Variants in TENM3 observed in about 807,000 individuals in gnomAD.
TENM3 encodes the protein teneurin-3.
A neutral mutation model predicts 255.1 loss-of-function variants in TENM3; 63 were observed. The ratio of observed to expected loss-of-function variants is 0.25; its 90% CI spans 0.20 to 0.30. The LOEUF is 0.30. Among genes scored for constraint, TENM3 ranks in the 10% least tolerant of loss-of-function variants. The pLI, the probability that TENM3 is intolerant of heterozygous loss-of-function variation, is 1.00. For missense variants in TENM3, 2,929 were observed against 3,461.1 expected (o/e 0.85, Z 3.86); for synonymous variants, 1,306 against 1,322.3 (o/e 0.99, Z 0.27).
the TENM3 span, among the ~76,000 whole-genome samples, chr4:182,052,979 C>T: frequency 6.6e-6 from 1 of 152,132 alleles, no homozygotes; most frequent in Non-Finnish European, 1.5e-5. Flanking sequence ...TATACATATA[C>T]ATTATATATA....
chr4:182,497,847 C>CATATATATATATATATATGTATATATAT (rs1735929208), intron 3 of TENM3, among the ~76,000 whole-genome samples: 1 of 135,640 alleles, frequency 7.4e-6, no homozygotes, highest in African/African-American at 3.3e-5. Context: ...ACTAAAAATA[C>CATATATATATATATATATGTATATATAT]ATATATATAT....
the TENM3 span, among the ~76,000 whole-genome samples, chr4:182,020,022 C>T: frequency 1.3e-5 from 2 of 152,036 alleles, no homozygotes; most frequent in Admixed American, 1.3e-4. Flanking sequence ...TGGGAGCCAA[C>T]AGACCGAACT....
intron 3 of TENM3, among the ~76,000 whole-genome samples, chr4:182,575,113 A>G (rs1744794302): frequency 6.6e-6 from 1 of 152,096 alleles, no homozygotes; most frequent in South Asian, 2.1e-4. Flanking sequence ...GAAGAAATAC[A>G]CACACACACA....
chr4:181,751,417 A>G, the TENM3 span, among the ~76,000 whole-genome samples: 1 of 52,768 alleles, frequency 1.9e-5, no homozygotes, highest in South Asian at 6.8e-4. Flanking sequence ...TTCCAAAGGA[A>G]AAAAAAAAAA....
intron 6 of TENM3, among the ~76,000 whole-genome samples, chr4:182,657,233 T>C (rs1753832246): frequency 6.6e-6 from 1 of 152,164 alleles, no homozygotes; most frequent in Non-Finnish European, 1.5e-5. Flanking sequence ...TCTCCTGACT[T>C]TCCAAATTCA....
intron 3 of TENM3, among the ~76,000 whole-genome samples, chr4:182,517,886 G>T (rs1360080253): frequency 6.6e-6 from 1 of 151,992 alleles, no homozygotes; most frequent in Non-Finnish European, 1.5e-5. Flanking sequence ...AACAAATTTA[G>T]AAGTATATAA....
chr4:182,281,818 C>T (rs1025648440), intron 1 of TENM3, among the ~76,000 whole-genome samples: 4 of 152,164 alleles, frequency 2.6e-5, no homozygotes, highest in Non-Finnish European at 5.9e-5. Context: ...TCACTGCTAC[C>T]TCCACCTCCT....
the TENM3 span, among the ~76,000 whole-genome samples, chr4:181,574,560 C>T: frequency 6.6e-6 from 1 of 151,964 alleles, no homozygotes; most frequent in African/African-American, 2.4e-5. Context: ...AAAATGTCTT[C>T]CAGTTTATCA....
intron 1 of TENM3, among the ~76,000 whole-genome samples, chr4:182,169,106 T>TACACACACACACACAC (rs1751929939): frequency 1.2e-5 from 1 of 86,244 alleles, no homozygotes; most frequent in African/African-American, 4.3e-5. Context: ...CACACACACG[T>TACACACACACACACAC]GGGTGTGAAT....
At chr4:182,374,935 A>G (rs912123554) in intron 3 of TENM3, among the ~76,000 whole-genome samples, 4 of 152,148 alleles carry the variant, frequency 2.6e-5, no homozygotes, top group African/African-American at 9.7e-5. Flanking sequence ...TCCTGTGAAG[A>G]CATTGTAATG....
chr4:182,463,137 C>G lies in TENM3; in HGVS notation c.511+116208C>G, dbSNP rs138323338. Among the ~76,000 whole-genome samples, 3 of 152,118 alleles carry G rather than the reference C, an allele frequency of 2.0e-5. No individual in the cohort carries two copies. In the East Asian group the frequency reaches 5.8e-4, roughly 29 times the overall value. On this transcript the variant is annotated intron_variant, in intron 3 of 27. Coordinates refer to ENST00000511685, the MANE Select transcript of TENM3 (RefSeq NM_001080477.4). ...CCAGCTGGTTCAAGCCTGTGTTGTT[C>G]AAGGGTCAACCGTAGTTGAAACAAA...
the TENM3 span, among the ~76,000 whole-genome samples, chr4:181,741,833 GT>G: frequency 1.3e-5 from 2 of 152,142 alleles, no homozygotes; most frequent in South Asian, 4.1e-4. Context: ...CCAGATCCAA[GT>G]TTTCCATTGC....
At chr4:181,797,755 G>T in the TENM3 span, among the ~76,000 whole-genome samples, 1 of 152,178 alleles carries the variant, frequency 6.6e-6, no homozygotes, top group Non-Finnish European at 1.5e-5. Context: ...ATGAAAATAC[G>T]TTCTGTTATT....
At chr4:182,252,016 C>G (rs1480296548) in intron 1 of TENM3, among the ~76,000 whole-genome samples, 1 of 152,078 alleles carries the variant, frequency 6.6e-6, no homozygotes, top group Non-Finnish European at 1.5e-5. Context: ...AACCCCATCT[C>G]TACGAAAAAT....
the TENM3 span, among the ~76,000 whole-genome samples, chr4:181,677,620 A>G: frequency 4.6e-5 from 7 of 151,974 alleles, no homozygotes; most frequent in Non-Finnish European, 8.8e-5. Context: ...CCCTCCCCAA[A>G]TTGTCAATTT....
At chr4:182,366,574 C>T (rs1001817247) in intron 3 of TENM3, among the ~76,000 whole-genome samples, 1 of 152,054 alleles carries the variant, frequency 6.6e-6, no homozygotes, top group Non-Finnish European at 1.5e-5. Flanking sequence ...ATACGCTAAT[C>T]TACTTATATT....
chr4:182,235,681 A>G (rs1013286997), intron 1 of TENM3, among the ~76,000 whole-genome samples: 1 of 152,140 alleles, frequency 6.6e-6, no homozygotes, highest in Non-Finnish European at 1.5e-5. Flanking sequence ...GCCATCTCTC[A>G]CAAGCTGGAA....
chr4:182,711,829 T>A (rs542773676), intron 12 of TENM3, among the ~76,000 whole-genome samples: 1 of 152,280 alleles, frequency 6.6e-6, no homozygotes, highest in East Asian at 1.9e-4. Flanking sequence ...GCGTTAGTTT[T>A]CTCTAGAACC....
At chr4:182,560,183 C>A (rs993313149) in intron 3 of TENM3, among the ~76,000 whole-genome samples, 4 of 151,134 alleles carry the variant, frequency 2.6e-5, no homozygotes, top group Non-Finnish European at 4.4e-5. Context: ...CACAGGAATA[C>A]GTTACTTGAA....
Sources: gnomAD v4.1 joint callset for allele counts (sites outside exome capture counted in the v4.1 genomes callset) on GRCh38, gnomAD v4.1.1 for gene constraint, MANE v1.5 for transcripts, NCBI Gene and HGNC (gene_info 2026-07-23, HGNC 2026-07-21) for gene names.